FBN3: variants seen among roughly 807,000 people sequenced by gnomAD.
FBN3 encodes fibrillin 3, also known as fibrillin-3.
A neutral mutation model predicts 330.1 loss-of-function variants in FBN3; 234 were observed. The observed-to-expected ratio is 0.71, with a 90% CI of 0.64 to 0.79. The LOEUF is 0.79. Among genes scored for constraint, FBN3 ranks in the 30% least tolerant of loss-of-function variants. FBN3 has a pLI of 0.00. For synonymous variants in FBN3, 1,458 were observed against 1,517.3 expected (o/e 0.96, Z 0.91); for missense variants, 3,606 against 3,886.9 (o/e 0.93, Z 1.92).
In FBN3 at chr19:8,133,012, C is replaced by T. The variant is rs1468974227; in HGVS notation, c.1686G>A (p.Leu562=). 2 of 1,577,926 alleles carry T rather than the reference C, an allele frequency of 1.3e-6. No individual in the cohort carries two copies. Among genetic ancestry groups the T allele is most frequent in the South Asian group, 1.2e-5 (1 of 86,334 alleles). Residue 562 remains leucine, a synonymous_variant, in exon 14 of 64, where the codon CTG becomes CTA. Transcript: ENST00000600128. ...SFSCLCKPGF[L]LAPGGHYCMD... is the part of the protein sequence containing the mutation. ...TGCAGTAGTGGCCGCCAGGCGCCAG[C>T]AGGAAGCCGGGTTTGCAGAGGCAGG...
chr19:8,102,389 G>T (rs901284756), intron 40 of FBN3, among the ~76,000 whole-genome samples: 4 of 151,382 alleles, frequency 2.6e-5, no homozygotes, highest in Non-Finnish European at 5.9e-5. Flanking sequence ...TAATTTTTTT[G>T]GTATTTTTAG....
At chr19:8,141,505 T>C (rs1172540911) in intron 8 of FBN3, among the ~76,000 whole-genome samples, 1 of 151,990 alleles carries the variant, frequency 6.6e-6, no homozygotes, top group Non-Finnish European at 1.5e-5. Flanking sequence ...TGGGAACAGG[T>C]GCACACGTAG....
intron 47 of FBN3, among the ~76,000 whole-genome samples, chr19:8,093,690 G>T (rs2082148444): frequency 6.6e-6 from 1 of 152,216 alleles, no homozygotes; most frequent in African/African-American, 2.4e-5. Context: ...AGGAGGCTGA[G>T]GCAGGAGAAT....
At chr19:8,111,258 T>C in intron 32 of FBN3, 75 bp from the exon 33 acceptor site, 1 of 1,492,352 alleles carries the variant, frequency 6.7e-7, no homozygotes, top group Non-Finnish European at 8.9e-7. Context: ...GAGGCCCCAG[T>C]CACTGGAACA....
At chr19:8,117,657 C>A in intron 26 of FBN3, 68 bp from the exon 27 acceptor site, 1 of 1,475,324 alleles carries the variant, frequency 6.8e-7, no homozygotes, top group East Asian at 2.5e-5. Context: ...ATGAGACACA[C>A]TGGGGGCACA....
chr19:8,124,017 G>C lies in FBN3; in HGVS notation c.2732-9C>G. ...TGGTTCCAATCTCACATCTGCACGG[G>C]GGACAGTCACTGCGTCCCCACCCCT... On this transcript the variant is annotated splice_polypyrimidine_tract_variant and intron_variant, in intron 22 of 63. Coordinates refer to ENST00000600128, the MANE Select transcript of FBN3 (RefSeq NM_032447.5). 6.2e-7 allele frequency: 1 copy of C among 1,609,702 alleles called. No homozygotes were observed. The highest frequency in any genetic ancestry group is 8.5e-7 in the Non-Finnish European group (1 of 1,177,752).
Position 8,129,149 on chromosome 19 carries a change from C to G in FBN3, c.2175G>C (p.Val725=). 2 of 1,612,614 alleles carry G rather than the reference C, an allele frequency of 1.2e-6. No homozygotes were observed. Among genetic ancestry groups the G allele is most frequent in the Non-Finnish European group, 1.7e-6 (2 of 1,179,758 alleles). The change falls in exon 18 of 64, where the codon GTG becomes GTC. Residue 725 remains valine, a synonymous_variant. Transcript: ENST00000600128. The surrounding 1 kb of genome is among the most constrained non-coding windows in gnomAD (Gnocchi z 4.5). The part of the protein sequence containing the change: ...AGASGKDCTD[V]DECALNSLLC... ...GGAGGCTGTTGAGGGCACACTCATC[C>G]ACGTCTGTGGGGTGGGGGTGGGAGA... is the stretch of plus-strand genomic sequence containing the variant.
chr19:8,147,932 G>C (rs138174015), intron 1 of FBN3, among the ~76,000 whole-genome samples: 6 of 149,212 alleles, frequency 4.0e-5, no homozygotes, highest in South Asian at 2.1e-4. Context: ...GCAGGGTCCC[G>C]GGGGGGAAAC....
chr19:8,103,465 C>T, intron 39 of FBN3, 97 bp downstream of exon 39: 1 of 1,281,738 alleles, frequency 7.8e-7, no homozygotes, highest in African/African-American at 1.5e-5. Flanking sequence ...ATATGCTTAC[C>T]CTCCCTCTCC....
intron 39 of FBN3, among the ~76,000 whole-genome samples, chr19:8,103,293 G>A (rs941335572): frequency 7.0e-6 from 1 of 143,062 alleles, no homozygotes; most frequent in African/African-American, 2.5e-5. Flanking sequence ...AAAGATTACT[G>A]GCTGGCTTGA....
At chr19:8,106,966 G>A (rs897668712) in intron 37 of FBN3, among the ~76,000 whole-genome samples, 1 of 151,752 alleles carries the variant, frequency 6.6e-6, no homozygotes, top group African/African-American at 2.4e-5. Context: ...ATGGATGGGA[G>A]AGTGGGAAAT....
chr19:8,129,128 G>T lies in FBN3; in HGVS notation c.2196C>A (p.Ser732Arg), dbSNP rs755603197. The T allele has an allele frequency of 6.2e-7, 1 of 1,613,010 alleles. No homozygotes were observed. The highest frequency in any genetic ancestry group is 8.5e-7 in the Non-Finnish European group (1 of 1,179,966). Residue 732 changes from serine to arginine, a missense_variant, in exon 18 of 64, where the codon AGC becomes AGA. By Grantham distance (110) the Ser-to-Arg change is moderately radical. Transcript: ENST00000600128. This position sits in a 1 kb window ranked among gnomAD's most constrained non-coding sequence, Gnocchi z 4.5. ...CTDVDECALN[S>R]LLCDNGWCQN... is the part of the protein sequence containing the mutation. ...GGCACCACCCGTTGTCACACAGGAG[G>T]CTGTTGAGGGCACACTCATCCACGT...
chr19:8,067,571 T>A (rs1460703476), intron 63 of FBN3, among the ~76,000 whole-genome samples: 7 of 151,850 alleles, frequency 4.6e-5, no homozygotes, highest in Admixed American at 2.0e-4. Context: ...GAAGCAGCAG[T>A]GAGCTGTGAT....
chr19:8,074,515 G>A, intron 61 of FBN3, among the ~76,000 whole-genome samples: 1 of 152,046 alleles, frequency 6.6e-6, no homozygotes, highest in East Asian at 1.9e-4. Context: ...GAGGTCTCAG[G>A]AGAGAGCAAG....
intron 47 of FBN3, among the ~76,000 whole-genome samples, chr19:8,093,424 G>A (rs186647428): frequency 6.6e-6 from 1 of 151,942 alleles, no homozygotes; most frequent in Non-Finnish European, 1.5e-5. Flanking sequence ...GAGATCGAGA[G>A]CATCCTGGCT....
At chr19:8,137,410 G>A (rs1400170727) in intron 10 of FBN3, among the ~76,000 whole-genome samples, 1 of 150,986 alleles carries the variant, frequency 6.6e-6, no homozygotes, top group African/African-American at 2.4e-5. Context: ...TCCAACCTGG[G>A]GCCTAGATCC....
chr19:8,125,896 G>A lies in FBN3; in HGVS notation c.2727C>T (p.Cys909=), dbSNP rs747371493. The A allele has an allele frequency of 3.2e-5, 52 of 1,611,240 alleles. No homozygotes were observed. Among genetic ancestry groups the A allele is most frequent in the South Asian group, 1.2e-4 (11 of 90,846 alleles). Residue 909 remains cysteine, a synonymous_variant, in exon 22 of 64, where the codon TGC becomes TGT. Transcript: ENST00000600128. ...GCGGACCTCGCCTGGACTCACCCAC[G>A]CACAGCCGGCCTGAGGCGTCCAGCA... is the stretch of plus-strand genomic sequence containing the variant. ...GLMLDASGRL[C]VDVRLEPCFL...
chr19:8,095,052 T>C (rs1331353218), intron 46 of FBN3, among the ~76,000 whole-genome samples: 2 of 152,016 alleles, frequency 1.3e-5, no homozygotes, highest in Non-Finnish European at 2.9e-5. Flanking sequence ...GCTCACTGCA[T>C]CCTCAAACTC....
In FBN3 at chr19:8,121,629, A is replaced by G. The variant is rs7250651; in HGVS notation, c.3083-243T>C. The stretch of plus-strand genomic sequence containing the variant: ...CCAAAAGGAGCCGAGGAAATGGAGG[A>G]ACCCCAAACTAAACATGACAAGGGC... On this transcript the variant is annotated intron_variant, in intron 24 of 63. Coordinates refer to ENST00000600128, the MANE Select transcript of FBN3 (RefSeq NM_032447.5). This position sits in a 1 kb window ranked among gnomAD's most constrained non-coding sequence, Gnocchi z 4.5. Among the ~76,000 whole-genome samples, 101,076 of 151,762 alleles carry G rather than the reference A, an allele frequency of 0.67. 34,894 individuals are homozygous for G. Among genetic ancestry groups the G allele is most frequent in the African/African-American group, 0.85 (34,984 of 41,400 alleles).
Sources: gnomAD v4.1 joint callset for allele counts (sites outside exome capture counted in the v4.1 genomes callset) on GRCh38, gnomAD v4.1.1 for gene constraint, Gnocchi (gnomAD v3.1) non-coding constraint, MANE v1.5 for transcripts, NCBI Gene and HGNC (gene_info 2026-07-23, HGNC 2026-07-21) for gene names.